ITGB1BP1: variants seen among roughly 807,000 people sequenced by gnomAD.
The protein encoded by ITGB1BP1 is integrin subunit beta 1 binding protein 1.
ITGB1BP1 carries 20 observed loss-of-function variants against 28.0 expected under a neutral mutation model. The ratio of observed to expected loss-of-function variants is 0.71; its 90% CI spans 0.50 to 1.04. The LOEUF (loss-of-function observed/expected upper bound fraction) is 1.04. ITGB1BP1 is among the 50% of genes least tolerant of loss of function. The pLI, the probability that ITGB1BP1 is intolerant of heterozygous loss-of-function variation, is 0.00. For synonymous variants in ITGB1BP1, 103 were observed against 89.5 expected, an observed-to-expected ratio of 1.15 and a Z score of -0.85; for missense variants, 228 against 242.5, an observed-to-expected ratio of 0.94 and a Z score of 0.40.
At chr2:9,410,612 G>A (rs1439630497) in intron 4 of ITGB1BP1, among the ~76,000 whole-genome samples, 1 of 152,164 alleles carries the variant, frequency 6.6e-6, no homozygotes, top group East Asian at 1.9e-4. Context: ...GCTAATTTTT[G>A]TATTTTTAGT....
intron 6 of ITGB1BP1, 51 bp downstream of exon 6, chr2:9,407,398 G>A: frequency 6.2e-7 from 1 of 1,600,318 alleles, no homozygotes; most frequent in Non-Finnish European, 8.6e-7. Context: ...AGTAGTCCCT[G>A]GGTGTTGCGA....
At chr2:9,409,687 T>A (rs1355933194) in intron 4 of ITGB1BP1, among the ~76,000 whole-genome samples, 1 of 152,068 alleles carries the variant, frequency 6.6e-6, no homozygotes, top group East Asian at 1.9e-4. Context: ...AAAATGACCT[T>A]GAAAAACGAG....
chr2:9,413,172 A>G (rs1678678080), intron 3 of ITGB1BP1, among the ~76,000 whole-genome samples: 1 of 152,238 alleles, frequency 6.6e-6, no homozygotes, highest in Non-Finnish European at 1.5e-5. Flanking sequence ...ATCTGGCAGG[A>G]AAGACAATGG....
At position 9,404,467 on chromosome 2, in the gene ITGB1BP1, A is replaced by G. The variant is rs760619146; in HGVS notation, c.*2367T>C. On this transcript the variant is annotated 3_prime_UTR_variant, in exon 7 of 7. Transcript: ENST00000355346. Reference sequence around the variant, plus strand: ...GTGGTAGTAGAGGATTAGGTTGTCTATTATAAAACCAAAACTCATTCGTTT... The same window carrying G: ...GTGGTAGTAGAGGATTAGGTTGTCTGTTATAAAACCAAAACTCATTCGTTT... The G allele has an allele frequency of 2.6e-5, 4 of 152,352 alleles. No homozygotes were observed. The highest frequency in any genetic ancestry group is 5.9e-5 in the Non-Finnish European group (4 of 68,034). The allele number at this position is 152,352 out of a possible 1,614,324, so 9.4% of individuals were successfully genotyped here. A position where few individuals can be genotyped will look rare whatever the true frequency, so the allele number is the denominator to read the frequency against.
chr2:9,418,869 C>T, intron 1 of ITGB1BP1, 137 bp from the exon 2 acceptor site: 1 of 641,464 alleles, frequency 1.6e-6, no homozygotes, highest in Non-Finnish European at 2.8e-6. Context: ...TGACCTCACA[C>T]CTCAGCCTCC....
rs1572715715 is a variant in ITGB1BP1 at position 9,415,135 on chromosome 2, T to C, written c.73-879A>G. Among the ~76,000 whole-genome samples the C allele has an allele frequency of 1.3e-5, 2 of 152,068 alleles. No individual in the cohort carries two copies. The highest frequency in any genetic ancestry group is 2.4e-5 in the African/African-American group (1 of 41,408). ...GGCTCACGCCTGTAATCCCAGCACTTTGGGAGGCTGACGTGGGTGGATCAC... is the reference window on the plus strand; with the variant it reads ...GGCTCACGCCTGTAATCCCAGCACTCTGGGAGGCTGACGTGGGTGGATCAC... On this transcript the variant is annotated intron_variant, in intron 2 of 6. Transcript: ENST00000355346. The surrounding 1 kb of genome is among the most constrained non-coding windows in gnomAD (Gnocchi z 4.1).
At chr2:9,419,444 A>T (rs1679527977) in intron 1 of ITGB1BP1, among the ~76,000 whole-genome samples, 1 of 152,220 alleles carries the variant, frequency 6.6e-6, no homozygotes, top group South Asian at 2.1e-4. Context: ...CACACCTCTC[A>T]GAAATGTGCA....
Position 9,407,296 on chromosome 2 carries a change from A to G in ITGB1BP1, c.531+153T>C, listed in dbSNP as rs1572677012. 2.0e-5 allele frequency: 16 copies of G among 815,416 alleles called. No individual in the cohort carries two copies. In the East Asian group the frequency reaches 4.3e-4, roughly 22 times the overall value. The allele number at this position is 815,416 out of a possible 1,614,324, so 50.5% of individuals were successfully genotyped here. A position where few individuals can be genotyped will look rare whatever the true frequency, so the allele number is the denominator to read the frequency against. On this transcript the variant is annotated intron_variant, in intron 6 of 6. Transcript: ENST00000355346. ...TTTCACAAACCTGCACTGTCTTGCC[A>G]GCCGGCTGACCTCCGGCCTAATATT...
Position 9,418,606 on chromosome 2 carries a change from T to A in ITGB1BP1, c.72+20A>T. ...AACTCTCCCTGCTTTATGATTCTGTTCCAAATTCCATTTCCCTACCTTGCT... is the reference window on the plus strand; with the variant it reads ...AACTCTCCCTGCTTTATGATTCTGTACCAAATTCCATTTCCCTACCTTGCT... On this transcript the variant is annotated intron_variant, in intron 2 of 6. Coordinates refer to ENST00000355346, the MANE Select transcript of ITGB1BP1 (RefSeq NM_004763.5). 6.6e-7 allele frequency: 1 copy of A among 1,510,358 alleles called. No homozygotes were observed. The highest frequency in any genetic ancestry group is 2.3e-5 in the East Asian group (1 of 44,404). The allele number at this position is 1,510,358 out of a possible 1,614,324, so 93.6% of individuals were successfully genotyped here. A position where few individuals can be genotyped will look rare whatever the true frequency, so the allele number is the denominator to read the frequency against.
chr2:9,417,385 C>T (rs1354535488), intron 2 of ITGB1BP1, among the ~76,000 whole-genome samples: 3 of 151,700 alleles, frequency 2.0e-5, no homozygotes, highest in Non-Finnish European at 4.4e-5. Flanking sequence ...GGCCTTTTCT[C>T]GGGAGGAGGG....
chr2:9,416,809 T>A (rs189824645), intron 2 of ITGB1BP1, among the ~76,000 whole-genome samples: 26 of 152,220 alleles, frequency 1.7e-4, no homozygotes, highest in African/African-American at 6.3e-4. Context: ...GTCAATCATG[T>A]CTCAAATGGT....
At chr2:9,422,424 TG>T in intron 1 of ITGB1BP1, 2 of 985,602 alleles carry the variant, frequency 2.0e-6, no homozygotes, top group Non-Finnish European at 2.4e-6. Context: ...CACGCGCCCC[TG>T]CTTTGCACCG....
At chr2:9,408,391 G>A (rs1454041392) in intron 4 of ITGB1BP1, 186 bp from the exon 5 acceptor site, 2 of 561,882 alleles carry the variant, frequency 3.6e-6, no homozygotes, top group Non-Finnish European at 6.4e-6. Context: ...TTACAAAAAG[G>A]TTATTTTTAT....
intron 6 of ITGB1BP1, 53 bp downstream of exon 6, chr2:9,407,396 C>G (rs770177654): frequency 6.2e-7 from 1 of 1,601,938 alleles, no homozygotes; most frequent in African/African-American, 1.3e-5. Context: ...ACAGTAGTCC[C>G]TGGGTGTTGC....
rs965885302 is a variant in ITGB1BP1 at position 9,405,715 on chromosome 2, T to A, written c.*1119A>T. 6.6e-6 allele frequency: 1 copy of A among 152,322 alleles called. No individual in the cohort carries two copies. The allele number at this position is 152,322 out of a possible 1,614,324, so 9.4% of individuals were successfully genotyped here. On this transcript the variant is annotated 3_prime_UTR_variant, in exon 7 of 7. Transcript: ENST00000355346. ...TTTTAATGTTTTTAATCTTTAAAGT[T>A]TTGTATATTGACAGTCCTTTAAAAA...
At position 9,404,977 on chromosome 2, in the gene ITGB1BP1, A is replaced by T. The variant is rs959432819; in HGVS notation, c.*1857T>A. On this transcript the variant is annotated 3_prime_UTR_variant, in exon 7 of 7. Coordinates refer to ENST00000355346, the MANE Select transcript of ITGB1BP1 (RefSeq NM_004763.5). The stretch of plus-strand genomic sequence containing the variant: ...TTTTCTCATAGATTTAAGTAAACAG[A>T]TGTATTTTGCACAGTGCACTTATGT... The T allele has an allele frequency of 6.6e-6, 1 of 152,490 alleles. No homozygotes were observed. The highest frequency in any genetic ancestry group is 2.4e-5 in the African/African-American group (1 of 41,406). The allele number at this position is 152,490 out of a possible 1,614,324, so 9.4% of individuals were successfully genotyped here.
At chr2:9,410,096 C>T (rs528387709) in intron 4 of ITGB1BP1, among the ~76,000 whole-genome samples, 1 of 152,276 alleles carries the variant, frequency 6.6e-6, no homozygotes, top group South Asian at 2.1e-4. Flanking sequence ...TCACCCACCT[C>T]GGCCTCCCAA....
intron 2 of ITGB1BP1, 73 bp downstream of exon 2, chr2:9,418,553 T>G (rs963518635): frequency 9.9e-7 from 1 of 1,008,386 alleles, no homozygotes; most frequent in Non-Finnish European, 1.6e-6. Context: ...GTCAGTATCC[T>G]CCATACAATA....
In ITGB1BP1 at chr2:9,414,159, ATCCAACCCTTTTATG is replaced by A. The variant is rs753677072; in HGVS notation, c.151+4_151+18del. The A allele has an allele frequency of 3.7e-5, 59 of 1,604,622 alleles. No homozygotes were observed. The highest frequency in any genetic ancestry group is 4.9e-5 in the Non-Finnish European group (58 of 1,171,722). On this transcript the variant is annotated splice_donor_5th_base_variant and intron_variant, in intron 3 of 6. Coordinates refer to ENST00000355346, the MANE Select transcript of ITGB1BP1 (RefSeq NM_004763.5). ...CAATGAAAAGCGCAGACAATCAATG[ATCCAACCCTTTTATG>A]TACCTGAGCTTTTGGTGGAATCTGT...
Sources: allele counts gnomAD v4.1 joint callset (sites outside exome capture counted in the v4.1 genomes callset), GRCh38; gene constraint gnomAD v4.1.1; non-coding constraint Gnocchi (gnomAD v3.1); transcripts MANE v1.5; gene names NCBI Gene and HGNC (gene_info 2026-07-23, HGNC 2026-07-21).